Variants in ZBTB20 observed in about 807,000 individuals in gnomAD.
ZBTB20 encodes the protein zinc finger and BTB domain-containing protein 20.
ZBTB20 carries 9 observed loss-of-function variants against 56.9 expected under a neutral mutation model. The ratio of observed to expected loss-of-function variants is 0.16; its 90% CI spans 0.10 to 0.28. ZBTB20 has a LOEUF of 0.28. ZBTB20 is among the 10% of genes least tolerant of loss of function. ZBTB20 has a pLI of 1.00. For missense variants in ZBTB20, 655 were observed against 1,003.0 expected, an observed-to-expected ratio of 0.65 and a Z score of 4.69; for synonymous variants, 417 against 420.7, an observed-to-expected ratio of 0.99 and a Z score of 0.11.
At chr3:114,547,591 T>C (rs1289137940) in intron 6 of ZBTB20, among the ~76,000 whole-genome samples, 2 of 152,142 alleles carry the variant, frequency 1.3e-5, no homozygotes, top group African/African-American at 4.8e-5. Context: ...TGGTCAGTGG[T>C]AGAGCATCCC....
At chr3:114,735,881 C>T (rs2066119349) in intron 5 of ZBTB20, among the ~76,000 whole-genome samples, 1 of 152,022 alleles carries the variant, frequency 6.6e-6, no homozygotes, top group African/African-American at 2.4e-5. Context: ...GAGAATAAAA[C>T]TAGCAAACCT....
At chr3:114,977,140 C>T (rs1290722458) in intron 2 of ZBTB20, among the ~76,000 whole-genome samples, 1 of 152,200 alleles carries the variant, frequency 6.6e-6, no homozygotes, top group African/African-American at 2.4e-5. Context: ...TTACTATTTA[C>T]ATGCTGTCTG....
At chr3:114,371,714 C>T (rs2083036103) in intron 10 of ZBTB20, among the ~76,000 whole-genome samples, 1 of 152,128 alleles carries the variant, frequency 6.6e-6, no homozygotes, top group Non-Finnish European at 1.5e-5. Flanking sequence ...GGAGAAAGGG[C>T]AGGGTTCTGT....
At chr3:114,451,010 T>C (rs1317014851) in intron 7 of ZBTB20, among the ~76,000 whole-genome samples, 1 of 152,070 alleles carries the variant, frequency 6.6e-6, no homozygotes, top group Non-Finnish European at 1.5e-5. Context: ...AAGCATTCCA[T>C]TTTACCATCT....
At chr3:114,486,279 T>C (rs1308974666) in intron 7 of ZBTB20, among the ~76,000 whole-genome samples, 1 of 152,018 alleles carries the variant, frequency 6.6e-6, no homozygotes, top group Non-Finnish European at 1.5e-5. Flanking sequence ...CATAGGTTAC[T>C]AGGAGGTGGC....
At chr3:114,559,133 T>C (rs140559771) in intron 6 of ZBTB20, among the ~76,000 whole-genome samples, 232 of 152,318 alleles carry the variant, frequency 1.5e-3, no homozygotes, top group Non-Finnish European at 2.8e-3. Flanking sequence ...CACTATTGTA[T>C]TTCCAGTGTC....
intron 8 of ZBTB20, among the ~76,000 whole-genome samples, chr3:114,381,380 C>T (rs72950613): frequency 0.061 from 9,322 of 152,192 alleles, 956 homozygotes; most frequent in African/African-American, 0.21. Flanking sequence ...TAAAACAGCA[C>T]AGCTATCAGT....
At chr3:114,550,718 A>G (rs892486843) in intron 6 of ZBTB20, among the ~76,000 whole-genome samples, 1 of 152,158 alleles carries the variant, frequency 6.6e-6, no homozygotes, top group African/African-American at 2.4e-5. Context: ...TTAAAAACTC[A>G]TAACTTATGA....
chr3:114,528,845 T>G (rs532479895), intron 6 of ZBTB20: 3 of 152,278 alleles, frequency 2.0e-5, no homozygotes, highest in Non-Finnish European at 4.4e-5. Context: ...AGAAATAGAC[T>G]AATTTCCTCC....
intron 3 of ZBTB20, among the ~76,000 whole-genome samples, chr3:114,940,400 T>A (rs1018777059): frequency 6.9e-6 from 1 of 145,754 alleles, no homozygotes; most frequent in African/African-American, 2.8e-5. Context: ...TGATTTTTTT[T>A]TTTTTGGAAA....
At chr3:114,593,678 C>G (rs1409239760) in intron 6 of ZBTB20, among the ~76,000 whole-genome samples, 1 of 152,144 alleles carries the variant, frequency 6.6e-6, no homozygotes, top group African/African-American at 2.4e-5. Flanking sequence ...GCCACTGCGC[C>G]TGGCCTAGGA....
At chr3:114,688,395 A>AT (rs2062484159) in intron 6 of ZBTB20, 1 of 151,796 alleles carries the variant, frequency 6.6e-6, no homozygotes, top group Non-Finnish European at 1.5e-5. Context: ...AAGTTGAAAA[A>AT]AAAAAAAAAG....
chr3:114,500,633 A>G (rs1427814199), intron 6 of ZBTB20, among the ~76,000 whole-genome samples: 3 of 152,244 alleles, frequency 2.0e-5, no homozygotes, highest in South Asian at 2.1e-4. Context: ...ACTTCCCAGC[A>G]CAAGGAGTGC....
At chr3:115,090,570 T>G (rs2083152433) in intron 1 of ZBTB20, among the ~76,000 whole-genome samples, 1 of 151,788 alleles carries the variant, frequency 6.6e-6, no homozygotes, top group Non-Finnish European at 1.5e-5. Flanking sequence ...CACAGAAAAG[T>G]ATATCACCTA....
intron 6 of ZBTB20, among the ~76,000 whole-genome samples, chr3:114,511,868 T>G (rs557782710): frequency 6.6e-6 from 1 of 152,268 alleles, no homozygotes; most frequent in East Asian, 1.9e-4. Context: ...CACAGTTTAT[T>G]TTTATTTATA....
chr3:114,702,922 TA>T (rs1405258182), intron 5 of ZBTB20, among the ~76,000 whole-genome samples: 8 of 152,036 alleles, frequency 5.3e-5, no homozygotes, highest in African/African-American at 1.9e-4. Flanking sequence ...TCGTTCAAAA[TA>T]ATTTATAAAT....
intron 4 of ZBTB20, among the ~76,000 whole-genome samples, chr3:114,825,773 G>GT (rs2073492415): frequency 6.6e-6 from 1 of 151,782 alleles, no homozygotes; most frequent in Admixed American, 6.6e-5. Context: ...GGAATCAATT[G>GT]TTTCTCCAGA....
chr3:114,407,737 TC>T (rs2108747883), intron 7 of ZBTB20, among the ~76,000 whole-genome samples: 1 of 152,316 alleles, frequency 6.6e-6, no homozygotes, highest in Non-Finnish European at 1.5e-5. Context: ...CATCTGATCA[TC>T]TTTTTTCCTC....
chr3:114,540,875 T>G (rs1432482031), intron 6 of ZBTB20, among the ~76,000 whole-genome samples: 1 of 152,088 alleles, frequency 6.6e-6, no homozygotes, highest in Non-Finnish European at 1.5e-5. Context: ...CAATTCCTTT[T>G]ATCCTTGTAT....
Sources: allele counts gnomAD v4.1 joint callset (sites outside exome capture counted in the v4.1 genomes callset), GRCh38; gene constraint gnomAD v4.1.1; transcripts MANE v1.5; gene names NCBI Gene and HGNC (gene_info 2026-07-23, HGNC 2026-07-21).